The following FGF14 variants were observed in gnomAD, a reference collection of about 807,000 sequenced individuals.
FGF14 encodes the protein fibroblast growth factor 14.
FGF14 carries 5 observed loss-of-function variants against 25.5 expected under a neutral mutation model. The ratio of observed to expected loss-of-function variants is 0.20; its 90% confidence interval spans 0.10 to 0.41. FGF14 has a LOEUF of 0.41. Ranked by LOEUF, FGF14 falls within the 10% of genes least tolerant of loss-of-function variation. FGF14 has a pLI of 1.00. For synonymous variants in FGF14, 138 were observed against 118.3 expected (o/e 1.17, Z -1.08); for missense variants, 222 against 320.1 (o/e 0.69, Z 2.34).
Position 102,204,151 on chromosome 13 carries a change from C to T in FGF14, c.208+197320G>A, listed in dbSNP as rs76988859. Among the ~76,000 whole-genome samples the T allele has an allele frequency of 5.5e-3, 844 of 152,268 alleles. 3 individuals carry two copies. The highest frequency in any genetic ancestry group is 9.1e-3 in the Non-Finnish European group (620 of 68,022). Reference sequence around the variant, plus strand: ...TCAGATTCGGGCAGGTTTTACAGGACCCAGATAAACTTAGGAGGTAGGTAG... The same window carrying T: ...TCAGATTCGGGCAGGTTTTACAGGATCCAGATAAACTTAGGAGGTAGGTAG... On this transcript the variant is annotated intron_variant, in intron 1 of 4. Transcript: ENST00000376131.
At chr13:102,205,821 A>G (rs762738167) in intron 1 of FGF14, among the ~76,000 whole-genome samples, 6 of 151,082 alleles carry the variant, frequency 4.0e-5, no homozygotes, top group Admixed American at 6.6e-5. Context: ...AGGAGCCCCT[A>G]TGCAAAATGG....
chr13:101,773,059 G>A (rs2038879488), intron 3 of FGF14, among the ~76,000 whole-genome samples: 1 of 152,112 alleles, frequency 6.6e-6, no homozygotes, highest in Admixed American at 6.6e-5. Flanking sequence ...GGCCCCTGTT[G>A]TATGAATTTT....
Position 101,722,685 on chromosome 13 carries a change from T to C in FGF14, c.*146A>G, listed in dbSNP as rs904224562. The C allele has an allele frequency of 4.6e-6, 5 of 1,098,674 alleles. No individual in the cohort carries two copies. The highest frequency in any genetic ancestry group is 6.7e-6 in the Non-Finnish European group (5 of 747,728). The allele number at this position is 1,098,674 out of a possible 1,614,324, so 68.1% of individuals were successfully genotyped here. On this transcript the variant is annotated 3_prime_UTR_variant, in exon 5 of 5. Coordinates refer to ENST00000376143, the MANE Select transcript of FGF14 (RefSeq NM_004115.4). ...GTGCAACAGGTTGAGATTTATCCAC[T>C]TGCAACAGAGAAGTTCGGAGACAGC...
chr13:101,735,753 C>G lies in FGF14; in HGVS notation c.409-8943G>C, dbSNP rs540531858. ...ATGAGGGTGTCATAGTGGGTGGTGG[C>G]ATGAGTAAAAATTGAGCTCTAAGAT... On this transcript the variant is annotated intron_variant, in intron 3 of 4. Transcript: ENST00000376143. Among the ~76,000 whole-genome samples, 6 of 151,846 alleles carry G rather than the reference C, an allele frequency of 4.0e-5. No individual in the cohort carries two copies. The South Asian group carries it at 1.3e-3, about 32-fold the overall frequency.
chr13:102,008,050 A>C (rs2139782142), intron 1 of FGF14, among the ~76,000 whole-genome samples: 1 of 152,324 alleles, frequency 6.6e-6, no homozygotes, highest in African/African-American at 2.4e-5. Flanking sequence ...ATTTCACTGC[A>C]TCCCTATTTG....
At position 101,721,288 on chromosome 13, in the gene FGF14, A is replaced by G. The variant is rs1270033143; in HGVS notation, c.*1543T>C. The G allele has an allele frequency of 6.6e-6, 1 of 152,160 alleles. No homozygotes were observed. Among genetic ancestry groups the G allele is most frequent in the Non-Finnish European group, 1.5e-5 (1 of 68,022 alleles). The allele number at this position is 152,160 out of a possible 1,614,324, so 9.4% of individuals were successfully genotyped here. A position where few individuals can be genotyped will look rare whatever the true frequency, so the allele number is the denominator to read the frequency against. On this transcript the variant is annotated 3_prime_UTR_variant, in exon 5 of 5. Coordinates refer to ENST00000376143, the MANE Select transcript of FGF14 (RefSeq NM_004115.4). Reference sequence around the variant, plus strand: ...ATTGAACATTTTGCATGGAATCTTCATTGTGTAGTCAACTGTTCCTGGCCT... The same window carrying G: ...ATTGAACATTTTGCATGGAATCTTCGTTGTGTAGTCAACTGTTCCTGGCCT...
intron 1 of FGF14, among the ~76,000 whole-genome samples, chr13:102,264,459 G>GT (rs1189895390): frequency 6.6e-6 from 1 of 152,124 alleles, no homozygotes; most frequent in African/African-American, 2.4e-5. Context: ...GATCGTCTGT[G>GT]TTTTTTCTAG....
chr13:102,297,723 A>T (rs1272799114), intron 1 of FGF14, among the ~76,000 whole-genome samples: 1 of 26,492 alleles, frequency 3.8e-5, no homozygotes, highest in Non-Finnish European at 7.9e-5. Context: ...CTACCTCTAT[A>T]AAAAAAAAAA....
intron 1 of FGF14, among the ~76,000 whole-genome samples, chr13:102,191,053 A>C (rs967832867): frequency 6.6e-6 from 1 of 152,168 alleles, no homozygotes; most frequent in Non-Finnish European, 1.5e-5. Context: ...TGCCCTTACC[A>C]GTTGTTATTA....
intron 3 of FGF14, among the ~76,000 whole-genome samples, chr13:101,772,862 G>C (rs937242607): frequency 1.3e-5 from 2 of 152,098 alleles, no homozygotes; most frequent in African/African-American, 2.4e-5. Context: ...AGCAGAAAAA[G>C]AGGACTCACC....
intron 1 of FGF14, among the ~76,000 whole-genome samples, chr13:102,155,426 G>A (rs1349691991): frequency 7.2e-5 from 11 of 151,954 alleles, no homozygotes; most frequent in Non-Finnish European, 1.0e-4. Context: ...GGTACATAAC[G>A]AAATGAAGGC....
At chr13:101,964,706 C>T (rs1325184418) in intron 1 of FGF14, among the ~76,000 whole-genome samples, 18 of 152,122 alleles carry the variant, frequency 1.2e-4, no homozygotes, top group Non-Finnish European at 1.5e-5. Context: ...TATAGTTCTC[C>T]TTCTTTTCTA....
chr13:102,200,988 G>C (rs535325040), intron 1 of FGF14, among the ~76,000 whole-genome samples: 1 of 151,664 alleles, frequency 6.6e-6, no homozygotes, highest in Non-Finnish European at 1.5e-5. Context: ...TGTAGTCCCA[G>C]CTACTGGGGA....
At chr13:102,375,521 A>T (rs970105329) in intron 1 of FGF14, among the ~76,000 whole-genome samples, 3 of 152,254 alleles carry the variant, frequency 2.0e-5, no homozygotes, top group African/African-American at 7.2e-5. Context: ...TACAAATAAA[A>T]AATTTAAAAT....
intron 1 of FGF14, among the ~76,000 whole-genome samples, chr13:102,000,263 G>T (rs1334925213): frequency 6.6e-6 from 1 of 152,174 alleles, no homozygotes; most frequent in African/African-American, 2.4e-5. Context: ...AGCTTGCAGT[G>T]AGCTGAGATT....
intron 1 of FGF14, among the ~76,000 whole-genome samples, chr13:102,040,835 G>C (rs2041697225): frequency 6.6e-6 from 1 of 152,130 alleles, no homozygotes; most frequent in South Asian, 2.1e-4. Flanking sequence ...GTTCTCTATT[G>C]ATTAATTTAT....
chr13:101,794,784 G>A (rs914768124), intron 3 of FGF14, among the ~76,000 whole-genome samples: 6 of 152,080 alleles, frequency 3.9e-5, no homozygotes, highest in Non-Finnish European at 7.4e-5. Context: ...AATAGCTCGT[G>A]TTCAAGGTAT....
rs1325804630 is a variant in FGF14 at position 101,715,159 on chromosome 13, C to T, written c.*7672G>A. The T allele has an allele frequency of 5.9e-6, 1 of 170,216 alleles. No individual in the cohort carries two copies. Among genetic ancestry groups the T allele is most frequent in the African/African-American group, 2.4e-5 (1 of 41,842 alleles). The allele number at this position is 170,216 out of a possible 1,614,324, so 10.5% of individuals were successfully genotyped here. A position where few individuals can be genotyped will look rare whatever the true frequency, so the allele number is the denominator to read the frequency against. On this transcript the variant is annotated 3_prime_UTR_variant, in exon 5 of 5. Coordinates refer to ENST00000376143, the MANE Select transcript of FGF14 (RefSeq NM_004115.4). ...TGTGTGTCATTAAGTTAGACCTTTG[C>T]TTTCTGCCCATCCTTACTACGTAAG...
chr13:101,727,401 C>T (rs1410827273), intron 3 of FGF14, among the ~76,000 whole-genome samples: 1 of 152,106 alleles, frequency 6.6e-6, no homozygotes, highest in Non-Finnish European at 1.5e-5. Context: ...GTCATAGTGA[C>T]AGTAGCTGAA....
Sources: gnomAD v4.1 joint callset for allele counts (sites outside exome capture counted in the v4.1 genomes callset) on GRCh38, gnomAD v4.1.1 for gene constraint, MANE v1.5 for transcripts, NCBI Gene and HGNC (gene_info 2026-07-23, HGNC 2026-07-21) for gene names.